Variants in MYO16 observed in about 807,000 individuals in gnomAD.
MYO16 encodes unconventional myosin-XVI.
In MYO16, 94 loss-of-function variants were observed where a neutral mutation model predicts 205.3. That is an observed-to-expected ratio of 0.46 (90% CI 0.39 to 0.54). MYO16 has a LOEUF of 0.54. Ranked by LOEUF, MYO16 falls within the 20% of genes least tolerant of loss-of-function variation. MYO16 has a pLI of 0.00. For missense variants in MYO16, 2,315 were observed against 2,387.5 expected, an observed-to-expected ratio of 0.97 and a Z score of 0.63; for synonymous variants, 988 against 954.0, an observed-to-expected ratio of 1.04 and a Z score of -0.66.
intron 9 of MYO16, among the ~76,000 whole-genome samples, chr13:108,842,527 GAAATTT>G (rs1164417405): frequency 5.3e-5 from 8 of 152,032 alleles, no homozygotes; most frequent in African/African-American, 1.9e-4. Context: ...CAACATCAGA[GAAATTT>G]AAATTTAAAG....
At chr13:108,537,494 C>T in the MYO16 span, among the ~76,000 whole-genome samples, 3 of 151,964 alleles carry the variant, frequency 2.0e-5, no homozygotes, top group African/African-American at 4.8e-5. Flanking sequence ...TATAACAATC[C>T]TTTTCTTTGG....
intron 11 of MYO16, among the ~76,000 whole-genome samples, chr13:108,861,640 AG>A (rs1878454053): frequency 6.6e-6 from 1 of 152,158 alleles, no homozygotes; most frequent in Non-Finnish European, 1.5e-5. Flanking sequence ...TTCAAATTCC[AG>A]CTATTCTGGC....
At chr13:109,002,864 G>A (rs147242458) in intron 21 of MYO16, among the ~76,000 whole-genome samples, 257 of 152,268 alleles carry the variant, frequency 1.7e-3, no homozygotes, top group African/African-American at 6.1e-3. Context: ...TTCTGTCCAT[G>A]ACTTTGGCAA....
chr13:108,832,297 C>A (rs549517722), intron 9 of MYO16, among the ~76,000 whole-genome samples: 3 of 151,862 alleles, frequency 2.0e-5, no homozygotes, highest in African/African-American at 7.3e-5. Flanking sequence ...TGTGCACCAC[C>A]GTGCCCAGCT....
At position 109,072,943 on chromosome 13, in the gene MYO16, G is replaced by A. The variant is rs143319571; in HGVS notation, c.3335+17348G>A. 3.0e-4 allele frequency among the ~76,000 whole-genome samples: 46 copies of A among 151,978 alleles called. No individual in the cohort carries two copies. In the East Asian group the frequency reaches 3.5e-3, roughly 11 times the overall value. ...CAAATATTTATGGATTGTCTGCTAC[G>A]TACAAGGAATTCTTAACTACAACAG... is the stretch of plus-strand genomic sequence containing the variant. On this transcript the variant is annotated intron_variant, in intron 27 of 34. Transcript: ENST00000457511.
the MYO16 span, among the ~76,000 whole-genome samples, chr13:108,496,761 G>A: frequency 2.0e-5 from 3 of 152,186 alleles, no homozygotes; most frequent in East Asian, 5.8e-4. Flanking sequence ...GTGAGCCAGG[G>A]CATTAAAATT....
At chr13:108,777,576 C>G (rs1886163359) in intron 4 of MYO16, among the ~76,000 whole-genome samples, 1 of 152,122 alleles carries the variant, frequency 6.6e-6, no homozygotes. Context: ...GGCAGCAAAC[C>G]TGGCTGGAGG....
chr13:108,658,241 A>C (rs1212775179), intron 1 of MYO16, among the ~76,000 whole-genome samples: 2 of 152,150 alleles, frequency 1.3e-5, no homozygotes, highest in Admixed American at 1.3e-4. Context: ...AAACTGATTT[A>C]ATTTATACAA....
At chr13:108,867,912 A>G (rs948672887) in intron 12 of MYO16, among the ~76,000 whole-genome samples, 1 of 152,192 alleles carries the variant, frequency 6.6e-6, no homozygotes, top group Non-Finnish European at 1.5e-5. Flanking sequence ...AATCTTGCAG[A>G]CTATCTTTCT....
At chr13:108,873,142 A>T (rs931659655) in intron 12 of MYO16, among the ~76,000 whole-genome samples, 1 of 152,174 alleles carries the variant, frequency 6.6e-6, no homozygotes, top group African/African-American at 2.4e-5. Flanking sequence ...TCTAGTTATT[A>T]TCATTGTATT....
In MYO16 at chr13:108,806,747, C is replaced by T. The variant is rs1440736211; in HGVS notation, c.810C>T (p.Leu270=). 1 of 1,613,056 alleles carries T rather than the reference C, an allele frequency of 6.2e-7. No homozygotes were observed. The highest frequency in any genetic ancestry group is 1.3e-5 in the African/African-American group (1 of 74,880). The change falls in exon 7 of 35, where the codon CTC becomes CTT. Residue 270 remains leucine (L), a synonymous_variant. Transcript: ENST00000457511. ...TTATCCTGGAACATGGTGGAGACCT[C>T]AACATAGTAGATGATCAGTACTGGA... The part of the protein sequence containing the change: ...VSLILEHGGD[L]NIVDDQYWTP...
In MYO16 at chr13:109,127,674, G is replaced by T. The variant is rs1876332059; in HGVS notation, c.4051+124G>T. ...CTTAATAGAAATAAATCCAATTGTT[G>T]GCTTGCCAGCAGCTCTTAATCATTA... On this transcript the variant is annotated intron_variant, in intron 31 of 34. Transcript: ENST00000457511. This position sits in a 1 kb window ranked among gnomAD's most constrained non-coding sequence, Gnocchi z 4.2. 3 of 978,136 alleles carry T rather than the reference G, an allele frequency of 3.1e-6. No homozygotes were observed. In the African/African-American group the frequency reaches 4.9e-5, roughly 16 times the overall value. 60.6% of individuals were successfully genotyped at this position (978,136 alleles called of 1,614,324 possible). A position where few individuals can be genotyped will look rare whatever the true frequency, so the allele number is the denominator to read the frequency against.
chr13:108,668,755 G>T (rs1881852731), intron 2 of MYO16, among the ~76,000 whole-genome samples: 1 of 152,120 alleles, frequency 6.6e-6, no homozygotes, highest in African/African-American at 2.4e-5. Context: ...GATGACACTG[G>T]GCTCTCCTGG....
At chr13:108,843,177 CAT>C (rs902971337) in intron 9 of MYO16, among the ~76,000 whole-genome samples, 1 of 151,416 alleles carries the variant, frequency 6.6e-6, no homozygotes, top group Non-Finnish European at 1.5e-5. Context: ...TCTAGTGTGA[CAT>C]GTTAATTAAT....
intron 28 of MYO16, chr13:109,101,422 G>A (rs1332907644): frequency 1.3e-5 from 2 of 153,004 alleles, no homozygotes; most frequent in Non-Finnish European, 2.9e-5. Context: ...TTCATAATTG[G>A]AAACACTTTA....
Position 108,890,618 on chromosome 13 carries a change from C to T in MYO16, c.1659+2141C>T, listed in dbSNP as rs531024465. ...AGTTATGGGCTTGAACTTAGTCATG[C>T]TGCTATCTAGTTCGGACTCATTGAT... On this transcript the variant is annotated intron_variant, in intron 14 of 34. Coordinates refer to ENST00000457511, the MANE Select transcript of MYO16 (RefSeq NM_001198950.3). 3.9e-5 allele frequency among the ~76,000 whole-genome samples: 6 copies of T among 152,314 alleles called. No homozygotes were observed. The South Asian group carries it at 1.2e-3, about 32-fold the overall frequency.
chr13:108,500,377 C>T, the MYO16 span, among the ~76,000 whole-genome samples: 1 of 151,452 alleles, frequency 6.6e-6, no homozygotes. Context: ...TTACAGGCGC[C>T]TGCCACCACG....
At chr13:108,854,886 A>G (rs781607107) in intron 10 of MYO16, among the ~76,000 whole-genome samples, 11 of 152,194 alleles carry the variant, frequency 7.2e-5, no homozygotes, top group Admixed American at 2.0e-4. Flanking sequence ...CAGTTATTTA[A>G]TCTCATAGCT....
At chr13:108,738,109 A>G (rs1254096701) in intron 4 of MYO16, among the ~76,000 whole-genome samples, 1 of 152,050 alleles carries the variant, frequency 6.6e-6, no homozygotes, top group Non-Finnish European at 1.5e-5. Context: ...GATATTTTGA[A>G]GGATTTTTTT....
Sources: allele counts gnomAD v4.1 joint callset (sites outside exome capture counted in the v4.1 genomes callset), GRCh38; gene constraint gnomAD v4.1.1; non-coding constraint Gnocchi (gnomAD v3.1); transcripts MANE v1.5; gene names NCBI Gene and HGNC (gene_info 2026-07-23, HGNC 2026-07-21).